The following ZNF143 variants were observed in gnomAD, a reference collection of about 807,000 sequenced individuals.
The protein encoded by ZNF143 is zinc finger protein 143, also known as SPH-binding factor.
Under a neutral mutation model 74.1 loss-of-function variants are expected in ZNF143, and 49 were observed. The ratio of observed to expected loss-of-function variants is 0.66; its 90% CI spans 0.53 to 0.84. The LOEUF is 0.84. Among genes scored for constraint, ZNF143 ranks in the 40% least tolerant of loss-of-function variants. ZNF143 has a pLI of 0.00. For missense variants in ZNF143, 637 were observed against 793.4 expected, an observed-to-expected ratio of 0.80 and a Z score of 2.37; for synonymous variants, 304 against 282.8, an observed-to-expected ratio of 1.07 and a Z score of -0.75.
At chr11:9,490,008 C>G (rs1378409624) in intron 7 of ZNF143, among the ~76,000 whole-genome samples, 1 of 151,890 alleles carries the variant, frequency 6.6e-6, no homozygotes, top group East Asian at 1.9e-4. Context: ...TGACAAGACT[C>G]CATTTCTACA....
chr11:9,461,133 C>T (rs1036309503), intron 1 of ZNF143, 57 bp downstream of exon 1: 8 of 969,544 alleles, frequency 8.3e-6, no homozygotes, highest in South Asian at 4.8e-5. Context: ...TGGCCGCCGC[C>T]CTCAGCGCGG....
At chr11:9,502,503 C>T (rs756490897) in intron 11 of ZNF143, among the ~76,000 whole-genome samples, 6 of 149,722 alleles carry the variant, frequency 4.0e-5, no homozygotes, top group South Asian at 2.1e-4. Context: ...CCAGCTACTC[C>T]GGAGGCTGAG....
At position 9,501,116 on chromosome 11, in the gene ZNF143, C is replaced by T. The variant is rs147334022; in HGVS notation, c.993C>T (p.Phe331=). 104 of 1,614,022 alleles carry T rather than the reference C, an allele frequency of 6.4e-5. 1 individual carries two copies. Among genetic ancestry groups the T allele is most frequent in the Non-Finnish European group, 7.6e-5 (90 of 1,180,026 alleles). Residue 331 remains phenylalanine, a synonymous_variant, in exon 11 of 16, where the codon TTC becomes TTT. Transcript: ENST00000396602. ...GAGAAAGGCCCTTTAAGTGTCCCTT[C>T]GAAGGCTGCGGTCGGTCCTTTACAA... is the stretch of plus-strand genomic sequence containing the variant. ...HTGERPFKCP[F]EGCGRSFTTS... is the part of the protein sequence containing the mutation.
chr11:9,508,858 G>T lies in ZNF143; in HGVS notation c.1375+12G>T. 1 of 1,559,620 alleles carries T rather than the reference G, an allele frequency of 6.4e-7. No homozygotes were observed. The highest frequency in any genetic ancestry group is 8.7e-7 in the Non-Finnish European group (1 of 1,150,968). On this transcript the variant is annotated intron_variant, in intron 12 of 15. Coordinates refer to ENST00000396602, the MANE Select transcript of ZNF143 (RefSeq NM_003442.6). ...TGAGCCGCCCCCAGGTGAGAGTTTTGTCTACTATATTTTGTTTCTGAGTTT... is the reference window on the plus strand; with the variant it reads ...TGAGCCGCCCCCAGGTGAGAGTTTTTTCTACTATATTTTGTTTCTGAGTTT...
rs552670096 is a variant in ZNF143 at position 9,503,845 on chromosome 11, T to G, written c.1147+2575T>G. Among the ~76,000 whole-genome samples the G allele has an allele frequency of 5.4e-3, 826 of 151,574 alleles. 7 individuals are homozygous for G. The highest frequency in any genetic ancestry group is 7.5e-3 in the Non-Finnish European group (511 of 67,882). On this transcript the variant is annotated intron_variant, in intron 11 of 15. Transcript: ENST00000396602. Reference sequence around the variant, plus strand: ...TTTTGTATTTTTAGTAGAGACAGGGTTTCACCATGTTGGCCAGGCCGGTCT... The same window carrying G: ...TTTTGTATTTTTAGTAGAGACAGGGGTTCACCATGTTGGCCAGGCCGGTCT...
intron 1 of ZNF143, among the ~76,000 whole-genome samples, chr11:9,461,382 A>T (rs879486829): frequency 1.3e-4 from 20 of 152,130 alleles, no homozygotes; most frequent in Non-Finnish European, 2.8e-4. Context: ...AAGGGGAGGG[A>T]GTGAAAGAGG....
At chr11:9,484,650 A>G (rs1356078333) in intron 7 of ZNF143, among the ~76,000 whole-genome samples, 4 of 139,388 alleles carry the variant, frequency 2.9e-5, no homozygotes, top group African/African-American at 1.1e-4. Context: ...ATGGAGTCTC[A>G]CTCTGTCGCC....
intron 1 of ZNF143, among the ~76,000 whole-genome samples, chr11:9,466,967 C>G (rs1037254021): frequency 2.6e-5 from 4 of 151,860 alleles, no homozygotes; most frequent in Non-Finnish European, 5.9e-5. Context: ...GATCTCGGCT[C>G]ACTGCAAGCT....
In ZNF143 at chr11:9,496,840, C is replaced by T. The variant is rs1046231569; in HGVS notation, c.841+462C>T. Among the ~76,000 whole-genome samples the T allele has an allele frequency of 3.3e-5, 5 of 152,036 alleles. No individual in the cohort carries two copies. In the East Asian group the frequency reaches 5.8e-4, roughly 18 times the overall value. ...CTCAAACTCCTGGTCTCAAGTAATC[C>T]GTCCGCCTCGGCCTCCCAAAATGCT... On this transcript the variant is annotated intron_variant, in intron 9 of 15. Transcript: ENST00000396602.
intron 14 of ZNF143, among the ~76,000 whole-genome samples, chr11:9,519,888 A>T (rs930436455): frequency 6.6e-6 from 1 of 151,976 alleles, no homozygotes; most frequent in Non-Finnish European, 1.5e-5. Flanking sequence ...TGTGGTTAAA[A>T]CGTTTTTAAA....
intron 1 of ZNF143, among the ~76,000 whole-genome samples, chr11:9,465,710 C>G (rs897006837): frequency 2.0e-5 from 3 of 150,630 alleles, no homozygotes; most frequent in Non-Finnish European, 2.9e-5. Context: ...CGGGGTTTCA[C>G]CTGACCTCAT....
At chr11:9,497,935 A>G (rs1804213086) in intron 10 of ZNF143, 135 bp downstream of exon 10, 4 of 577,078 alleles carry the variant, frequency 6.9e-6, no homozygotes, top group African/African-American at 2.1e-5. Context: ...GGTTCACGCC[A>G]TTCTCCTGCC....
intron 1 of ZNF143, chr11:9,461,989 T>G (rs1231563179): frequency 6.6e-6 from 1 of 152,222 alleles, no homozygotes; most frequent in African/African-American, 2.4e-5. Flanking sequence ...GTCGGCTTTG[T>G]CCTGAATCTT....
intron 10 of ZNF143, among the ~76,000 whole-genome samples, chr11:9,500,067 C>A (rs1475443741): frequency 1.3e-5 from 2 of 152,134 alleles, no homozygotes; most frequent in African/African-American, 4.8e-5. Flanking sequence ...CTCACCCTCC[C>A]GAGTAGCTGG....
chr11:9,473,070 G>A (rs1021374522), intron 3 of ZNF143, among the ~76,000 whole-genome samples: 3 of 151,596 alleles, frequency 2.0e-5, no homozygotes, highest in South Asian at 2.1e-4. Context: ...TCATTATTTC[G>A]TATTTTTACC....
At chr11:9,483,137 G>T (rs372425243) in intron 7 of ZNF143, among the ~76,000 whole-genome samples, 2 of 150,686 alleles carry the variant, frequency 1.3e-5, no homozygotes, top group East Asian at 3.9e-4. Context: ...GGGATTACAG[G>T]CATGCACCAC....
chr11:9,463,517 T>C (rs1855998144), intron 1 of ZNF143, among the ~76,000 whole-genome samples: 1 of 152,244 alleles, frequency 6.6e-6, no homozygotes, highest in Non-Finnish European at 1.5e-5. Flanking sequence ...GGTTTGCCTG[T>C]CTCTGATGGT....
At chr11:9,496,112 C>A (rs1847949175) in intron 8 of ZNF143, among the ~76,000 whole-genome samples, 191 bp from the exon 9 acceptor site, 1 of 152,150 alleles carries the variant, frequency 6.6e-6, no homozygotes, top group African/African-American at 2.4e-5. Flanking sequence ...TAGTAACTAT[C>A]TCTTAATATT....
chr11:9,462,563 A>G (rs1356687726), intron 1 of ZNF143, among the ~76,000 whole-genome samples: 1 of 151,740 alleles, frequency 6.6e-6, no homozygotes, highest in Non-Finnish European at 1.5e-5. Flanking sequence ...GTCTCGAAAA[A>G]AAAAAAAGTG....
Sources: gnomAD v4.1 joint callset for allele counts (sites outside exome capture counted in the v4.1 genomes callset) on GRCh38, gnomAD v4.1.1 for gene constraint, MANE v1.5 for transcripts, NCBI Gene and HGNC (gene_info 2026-07-23, HGNC 2026-07-21) for gene names.